CHST11: variants seen among roughly 807,000 people sequenced by gnomAD.
CHST11 encodes C4S-1.
CHST11 carries 9 observed loss-of-function variants against 30.4 expected under a neutral mutation model. The ratio of observed to expected loss-of-function variants is 0.30; its 90% CI spans 0.18 to 0.52. CHST11 has a LOEUF of 0.52. Among genes scored for constraint, CHST11 ranks in the 20% least tolerant of loss-of-function variants. CHST11 has a pLI of 0.97. For missense variants in CHST11, 348 were observed against 460.6 expected, an observed-to-expected ratio of 0.76 and a Z score of 2.24; for synonymous variants, 152 against 187.8, an observed-to-expected ratio of 0.81 and a Z score of 1.56.
At chr12:104,602,767 G>A (rs527283857) in intron 2 of CHST11, among the ~76,000 whole-genome samples, 1 of 152,296 alleles carries the variant, frequency 6.6e-6, no homozygotes, top group Admixed American at 6.5e-5. Context: ...TAGCCGTAGA[G>A]AAAGAGGGAA....
At chr12:104,519,868 C>A (rs2038059251) in intron 1 of CHST11, among the ~76,000 whole-genome samples, 2 of 152,194 alleles carry the variant, frequency 1.3e-5, no homozygotes, top group African/African-American at 4.8e-5. Context: ...AGAACTGTTT[C>A]GGCAAAGCCT....
intron 2 of CHST11, among the ~76,000 whole-genome samples, chr12:104,708,744 T>C (rs2040059136): frequency 6.6e-6 from 1 of 152,154 alleles, no homozygotes; most frequent in South Asian, 2.1e-4. Context: ...AGACATCCCC[T>C]TGAAATGCCA....
intron 2 of CHST11, among the ~76,000 whole-genome samples, chr12:104,631,412 C>G (rs889530184): frequency 3.3e-5 from 5 of 152,176 alleles, no homozygotes; most frequent in Non-Finnish European, 7.3e-5. Flanking sequence ...CTCTCATCCC[C>G]CAGCGTCTAT....
chr12:104,473,886 C>G (rs1384692153), intron 1 of CHST11, among the ~76,000 whole-genome samples: 1 of 152,060 alleles, frequency 6.6e-6, no homozygotes, highest in Non-Finnish European at 1.5e-5. Flanking sequence ...CTTTGATCCC[C>G]TTTATTTTCC....
At chr12:104,640,851 G>C (rs1246068651) in intron 2 of CHST11, among the ~76,000 whole-genome samples, 4 of 152,104 alleles carry the variant, frequency 2.6e-5, no homozygotes, top group South Asian at 2.1e-4. Context: ...TCCCCAGCGA[G>C]GTCCCTACCC....
intron 1 of CHST11, among the ~76,000 whole-genome samples, chr12:104,475,129 T>C (rs1173353281): frequency 6.6e-6 from 1 of 152,200 alleles, no homozygotes; most frequent in East Asian, 1.9e-4. Flanking sequence ...GAGGGTTAAA[T>C]CATAATTAAA....
intron 2 of CHST11, among the ~76,000 whole-genome samples, chr12:104,737,915 C>T (rs2040314531): frequency 6.6e-6 from 1 of 152,082 alleles, no homozygotes; most frequent in African/African-American, 2.4e-5. Context: ...CCTTTGTTCC[C>T]TGGAGCCAAG....
At chr12:104,632,037 C>T (rs1381728106) in intron 2 of CHST11, among the ~76,000 whole-genome samples, 2 of 152,140 alleles carry the variant, frequency 1.3e-5, no homozygotes, top group Non-Finnish European at 2.9e-5. Context: ...CTCGAGGGGC[C>T]GACTCTTTAG....
intron 2 of CHST11, among the ~76,000 whole-genome samples, chr12:104,653,471 A>AC (rs1385788910): frequency 5.3e-5 from 8 of 152,178 alleles, no homozygotes; most frequent in Admixed American, 6.5e-5. Context: ...GGTAGACAGT[A>AC]CCCCATTATC....
At chr12:104,715,379 C>T (rs1038492595) in intron 2 of CHST11, among the ~76,000 whole-genome samples, 6 of 151,924 alleles carry the variant, frequency 3.9e-5, no homozygotes, top group African/African-American at 1.2e-4. Context: ...GTCTCAAAAA[C>T]ACAATAAAAA....
intron 2 of CHST11, among the ~76,000 whole-genome samples, chr12:104,684,702 C>T (rs916621827): frequency 6.6e-6 from 1 of 152,166 alleles, no homozygotes; most frequent in Non-Finnish European, 1.5e-5. Flanking sequence ...CATGCACTAC[C>T]ATGCCTGGCT....
At chr12:104,610,423 C>T (rs2039048987) in intron 2 of CHST11, among the ~76,000 whole-genome samples, 1 of 152,188 alleles carries the variant, frequency 6.6e-6, no homozygotes, top group Admixed American at 6.5e-5. Context: ...TGGAGTTTTT[C>T]TGTGTCAGTC....
At position 104,761,620 on chromosome 12, in the gene CHST11, C is replaced by T. The variant is rs560074430; in HGVS notation, c.*3817C>T. On this transcript the variant is annotated 3_prime_UTR_variant, in exon 3 of 3. Coordinates refer to ENST00000303694, the MANE Select transcript of CHST11 (RefSeq NM_018413.6). ...TTCCCACCACCAGCATTTCCTCCAACCTTTTTCCATCACAACCAGTTAGAA... is the reference window on the plus strand; with the variant it reads ...TTCCCACCACCAGCATTTCCTCCAATCTTTTTCCATCACAACCAGTTAGAA... The T allele has an allele frequency of 6.6e-5, 10 of 152,554 alleles. No individual in the cohort carries two copies. Among genetic ancestry groups the T allele is most frequent in the African/African-American group, 1.7e-4 (7 of 41,590 alleles). 9.5% of individuals were successfully genotyped at this position (152,554 alleles called of 1,614,324 possible). A position where few individuals can be genotyped will look rare whatever the true frequency, so the allele number is the denominator to read the frequency against.
At chr12:104,579,393 A>AATAGAGTGGAGATGCCAGCGATTG (rs1260386265) in intron 1 of CHST11, among the ~76,000 whole-genome samples, 2 of 152,098 alleles carry the variant, frequency 1.3e-5, no homozygotes, top group Non-Finnish European at 2.9e-5. Context: ...TTGTTGCATC[A>AATAGAGTGGAGATGCCAGCGATTG]ATAGAGTGGA....
chr12:104,527,017 T>C (rs974391388), intron 1 of CHST11, among the ~76,000 whole-genome samples: 3 of 152,226 alleles, frequency 2.0e-5, no homozygotes, highest in Non-Finnish European at 4.4e-5. Context: ...CACGGCACTC[T>C]TTCTAAAATG....
intron 1 of CHST11, chr12:104,514,508 C>T: frequency 3.1e-6 from 2 of 636,114 alleles, no homozygotes; most frequent in Non-Finnish European, 5.6e-6. Context: ...CTGGGATGTG[C>T]TAAGCTTTAC....
chr12:104,716,584 A>T (rs1039400823), intron 2 of CHST11, among the ~76,000 whole-genome samples: 8 of 152,234 alleles, frequency 5.3e-5, no homozygotes, highest in Admixed American at 3.3e-4. Flanking sequence ...AGGGCAGGGG[A>T]TGGCCTGTCT....
intron 2 of CHST11, among the ~76,000 whole-genome samples, chr12:104,681,273 G>A (rs2039792548): frequency 6.6e-6 from 1 of 152,210 alleles, no homozygotes; most frequent in African/African-American, 2.4e-5. Context: ...AAGGAATGCA[G>A]TACTGATACA....
At chr12:104,533,730 G>C (rs1014845352) in intron 1 of CHST11, among the ~76,000 whole-genome samples, 1 of 152,204 alleles carries the variant, frequency 6.6e-6, no homozygotes. Context: ...ATTATCACTT[G>C]TCGGGGACAG....
Sources: gnomAD v4.1 joint callset for allele counts (sites outside exome capture counted in the v4.1 genomes callset) on GRCh38, gnomAD v4.1.1 for gene constraint, MANE v1.5 for transcripts, NCBI Gene and HGNC (gene_info 2026-07-23, HGNC 2026-07-21) for gene names.